MARCHF1: variants seen among roughly 807,000 people sequenced by gnomAD.
MARCHF1 encodes E3 ubiquitin-protein ligase MARCHF1.
In MARCHF1, 40 loss-of-function variants were observed where a neutral mutation model predicts 54.2. The observed-to-expected ratio is 0.74, with a 90% CI of 0.57 to 0.96. The LOEUF is 0.96. Among genes scored for constraint, MARCHF1 ranks in the 40% least tolerant of loss-of-function variants. MARCHF1 has a pLI of 0.00. For missense variants in MARCHF1, 586 were observed against 656.5 expected (o/e 0.89, Z 1.17); for synonymous variants, 236 against 236.3 (o/e 1.00, Z 0.01).
chr4:164,212,806 C>T (rs1458341512), intron 1 of MARCHF1, among the ~76,000 whole-genome samples: 1 of 152,082 alleles, frequency 6.6e-6, no homozygotes, highest in Non-Finnish European at 1.5e-5. Flanking sequence ...TATGAGGTGC[C>T]ATTATTCTCC....
At chr4:163,931,282 T>C (rs1231503268) in intron 3 of MARCHF1, among the ~76,000 whole-genome samples, 1 of 152,180 alleles carries the variant, frequency 6.6e-6, no homozygotes, top group Non-Finnish European at 1.5e-5. Flanking sequence ...GCTGACTAAG[T>C]GTTTTTTGGG....
intron 7 of MARCHF1, 108 bp downstream of exon 7, chr4:163,612,163 A>G: frequency 1.1e-6 from 1 of 935,062 alleles, no homozygotes; most frequent in South Asian, 2.4e-5. Flanking sequence ...GAAAAAGAAC[A>G]ATGTAAATAA....
At chr4:164,296,242 G>A (rs564100001) in intron 1 of MARCHF1, among the ~76,000 whole-genome samples, 1 of 152,266 alleles carries the variant, frequency 6.6e-6, no homozygotes, top group South Asian at 2.1e-4. Flanking sequence ...CAGGCTGAGG[G>A]CCATTGGCTT....
chr4:164,263,035 G>A (rs998274558), intron 1 of MARCHF1, among the ~76,000 whole-genome samples: 15 of 152,284 alleles, frequency 9.9e-5, no homozygotes, highest in African/African-American at 3.6e-4. Context: ...AGGAAGAAGA[G>A]TGGATGAGAT....
chr4:163,563,389 T>C (rs529510308), intron 8 of MARCHF1, among the ~76,000 whole-genome samples: 2 of 152,322 alleles, frequency 1.3e-5, no homozygotes, highest in East Asian at 3.9e-4. Context: ...CCTCTGCGGG[T>C]TTAAATGTAC....
At chr4:163,565,934 T>C (rs1295362538) in intron 8 of MARCHF1, among the ~76,000 whole-genome samples, 1 of 152,174 alleles carries the variant, frequency 6.6e-6, no homozygotes, top group East Asian at 1.9e-4. Context: ...TGCCCTGTAG[T>C]CCAATTATCC....
At position 164,243,057 on chromosome 4, in the gene MARCHF1, G is replaced by A. The variant is rs564837484; in HGVS notation, c.-322-131395C>T. Among the ~76,000 whole-genome samples, 6 of 126,666 alleles carry A rather than the reference G, an allele frequency of 4.7e-5. No homozygotes were observed. In the East Asian group the frequency reaches 1.3e-3, roughly 28 times the overall value. 83.1% of individuals were successfully genotyped at this position (126,666 alleles called of 152,430 possible). ...GAACCAAGTTGGAAAACACTCTGCA[G>A]GATATTATCCAGGAGAACTTCCCCA... On this transcript the variant is annotated intron_variant, in intron 1 of 9. Transcript: ENST00000514618.
chr4:164,062,671 C>T (rs557777463), intron 2 of MARCHF1, among the ~76,000 whole-genome samples: 1 of 152,008 alleles, frequency 6.6e-6, no homozygotes, highest in Admixed American at 6.5e-5. Context: ...ACTACAGGCA[C>T]CCGCCACCAT....
intron 3 of MARCHF1, among the ~76,000 whole-genome samples, chr4:163,896,088 A>C (rs1413540966): frequency 6.6e-6 from 1 of 152,216 alleles, no homozygotes; most frequent in South Asian, 2.1e-4. Context: ...CCCTCTGATT[A>C]CACTTTCATT....
chr4:163,895,446 T>C (rs1006427326), intron 3 of MARCHF1, among the ~76,000 whole-genome samples: 1 of 152,150 alleles, frequency 6.6e-6, no homozygotes, highest in Non-Finnish European at 1.5e-5. Context: ...ATATTTGTTA[T>C]GGGAAGGTAA....
chr4:164,324,643 A>C (rs971227772), intron 1 of MARCHF1, among the ~76,000 whole-genome samples: 1 of 151,458 alleles, frequency 6.6e-6, no homozygotes, highest in Admixed American at 6.6e-5. Context: ...TTCTGCTTAT[A>C]ATAAGGAAGA....
Position 164,278,366 on chromosome 4 carries a change from A to T in MARCHF1, c.-323+105504T>A, listed in dbSNP as rs552551769. Among the ~76,000 whole-genome samples the T allele has an allele frequency of 2.0e-5, 3 of 152,276 alleles. No individual in the cohort carries two copies. In the South Asian group the frequency reaches 6.2e-4, roughly 32 times the overall value. ...AGACATGTGAAGTATCCTGTCAAAG[A>T]TAAGAAAAATTAGGGGAACATTAAA... On this transcript the variant is annotated intron_variant, in intron 1 of 9. Transcript: ENST00000514618.
At chr4:163,948,605 G>A (rs752210166) in intron 3 of MARCHF1, among the ~76,000 whole-genome samples, 1 of 152,218 alleles carries the variant, frequency 6.6e-6, no homozygotes, top group African/African-American at 2.4e-5. Flanking sequence ...CAGGACATGA[G>A]CTGGGCTTAT....
intron 1 of MARCHF1, among the ~76,000 whole-genome samples, chr4:164,114,017 A>T (rs949586493): frequency 6.6e-6 from 1 of 152,012 alleles, no homozygotes; most frequent in African/African-American, 2.4e-5. Flanking sequence ...GTCAAAAAAC[A>T]TCATTCCACT....
At chr4:164,161,109 G>T (rs995992367) in intron 1 of MARCHF1, among the ~76,000 whole-genome samples, 6 of 152,102 alleles carry the variant, frequency 3.9e-5, no homozygotes, top group Non-Finnish European at 8.8e-5. Context: ...CAGTGTTAGA[G>T]GTGAGGCCTG....
chr4:164,337,392 T>A (rs1729770317), intron 1 of MARCHF1, among the ~76,000 whole-genome samples: 1 of 152,108 alleles, frequency 6.6e-6, no homozygotes, highest in African/African-American at 2.4e-5. Context: ...CAAGAGAACC[T>A]CCCCTGGGCT....
chr4:164,184,288 A>T (rs1310399248), intron 1 of MARCHF1, among the ~76,000 whole-genome samples: 1 of 152,172 alleles, frequency 6.6e-6, no homozygotes, highest in Non-Finnish European at 1.5e-5. Context: ...CAAATTTGCA[A>T]GATTTGATTT....
chr4:163,691,161 G>T (rs1744437132), intron 5 of MARCHF1, among the ~76,000 whole-genome samples: 1 of 152,186 alleles, frequency 6.6e-6, no homozygotes, highest in South Asian at 2.1e-4. Context: ...TCTTCAAAAG[G>T]CTATCGAATT....
intron 8 of MARCHF1, among the ~76,000 whole-genome samples, chr4:163,568,137 A>C (rs948721995): frequency 1.3e-5 from 2 of 152,166 alleles, no homozygotes; most frequent in African/African-American, 4.8e-5. Context: ...ATAACGTCCC[A>C]ATATAAGTGT....
Sources: gnomAD v4.1 joint callset for allele counts (sites outside exome capture counted in the v4.1 genomes callset) on GRCh38, gnomAD v4.1.1 for gene constraint, MANE v1.5 for transcripts, NCBI Gene and HGNC (gene_info 2026-07-23, HGNC 2026-07-21) for gene names.